PARVB: variants seen among roughly 807,000 people sequenced by gnomAD.
PARVB encodes the protein beta-parvin.
PARVB carries 46 observed loss-of-function variants against 47.0 expected under a neutral mutation model. That is an observed-to-expected ratio of 0.98 (90% confidence interval 0.77 to 1.25). The LOEUF (loss-of-function observed/expected upper bound fraction) is 1.25. Ranked by LOEUF, PARVB falls within the 50% of genes most tolerant of loss-of-function variation. The pLI, the probability that PARVB is intolerant of heterozygous loss-of-function variation, is 0.00. For synonymous variants in PARVB, 196 were observed against 196.3 expected (o/e 1.00, Z 0.01); for missense variants, 473 against 471.6 (o/e 1.00, Z -0.03).
At position 44,158,630 on chromosome 22, in the gene PARVB, T is replaced by C. The variant is rs143156846; in HGVS notation, c.945+547T>C. Among the ~76,000 whole-genome samples the C allele has an allele frequency of 6.2e-4, 95 of 152,280 alleles. 1 individual carries two copies. In the East Asian group the frequency reaches 0.018, roughly 28 times the overall value. On this transcript the variant is annotated intron_variant, in intron 11 of 12. Coordinates refer to ENST00000338758, the MANE Select transcript of PARVB (RefSeq NM_013327.5). ...TCTTAGGAAAATTTCTCAAATAGGG[T>C]CAAATTTGGGGCATTCCTTTCAATC...
At chr22:44,152,270 C>T (rs2053827561) in intron 10 of PARVB, 2 of 152,146 alleles carry the variant, frequency 1.3e-5, no homozygotes, top group African/African-American at 4.8e-5. Context: ...CTGCCTCAGC[C>T]TCCCGAGTAG....
At chr22:44,070,992 C>CCCTG (rs1278936390) in intron 1 of PARVB, among the ~76,000 whole-genome samples, 2 of 146,864 alleles carry the variant, frequency 1.4e-5, no homozygotes, top group Non-Finnish European at 3.0e-5. Flanking sequence ...ACCCCCCGGC[C>CCCTG]CCTGCCCGCC....
intron 1 of PARVB, among the ~76,000 whole-genome samples, chr22:44,035,368 CTT>C (rs57745730): frequency 1.1e-4 from 13 of 118,032 alleles, no homozygotes; most frequent in South Asian, 8.3e-4. Context: ...TTTCTTTTTC[CTT>C]TTTTTTTTTT....
At chr22:44,024,509 C>G (rs2146877215) in intron 1 of PARVB, 58 bp downstream of exon 1, 1 of 932,498 alleles carries the variant, frequency 1.1e-6, no homozygotes, top group Non-Finnish European at 1.3e-6. Context: ...TGCCCGCCCT[C>G]GGCCCTAGAG....
rs999974309 is a variant in PARVB, at chr22:44,101,643, C to T, written c.273+1520C>T. 1.2e-4 allele frequency among the ~76,000 whole-genome samples: 18 copies of T among 150,822 alleles called. No homozygotes were observed. The East Asian group carries it at 1.4e-3, about 12-fold the overall frequency. ...GTGGGTGCCTATAATCCTACCTACT[C>T]GGGAGGCTGAGGCAGAATTGCTTGA... On this transcript the variant is annotated intron_variant, in intron 3 of 12. Coordinates refer to ENST00000338758, the MANE Select transcript of PARVB (RefSeq NM_013327.5).
chr22:44,068,921 A>G lies in PARVB; in HGVS notation c.113-25007A>G, dbSNP rs1028547412. 14 of 565,796 alleles carry G rather than the reference A, an allele frequency of 2.5e-5. No individual in the cohort carries two copies. In the South Asian group the frequency reaches 3.1e-4, roughly 12 times the overall value. 35.0% of individuals were successfully genotyped at this position (565,796 alleles called of 1,614,324 possible). On this transcript the variant is annotated intron_variant, in intron 1 of 12. Coordinates refer to ENST00000338758, the MANE Select transcript of PARVB (RefSeq NM_013327.5). This position sits in a 1 kb window ranked among gnomAD's most constrained non-coding sequence, Gnocchi z 4.1. ...CTGGCCCATGAGGCTGATGGGAGTC[A>G]AGACAGAAATAGTGGTCTGTGGTCA...
intron 3 of PARVB, among the ~76,000 whole-genome samples, chr22:44,118,704 A>C (rs541287143): frequency 1.3e-5 from 2 of 151,214 alleles, no homozygotes; most frequent in South Asian, 4.2e-4. Flanking sequence ...CTAGCTCTGG[A>C]CCTGGTGGTG....
Position 44,088,005 on chromosome 22 carries a change from C to A in PARVB, c.113-5923C>A, listed in dbSNP as rs546704717. Among the ~76,000 whole-genome samples the A allele has an allele frequency of 3.3e-5, 5 of 152,140 alleles. No homozygotes were observed. The South Asian group carries it at 1.0e-3, about 32-fold the overall frequency. Reference sequence around the variant, plus strand: ...GCGACTGTGCCGAGGGTGTGTGTCCCTGAATCTTTGTGATCTCTCTGAGGT... The same window carrying A: ...GCGACTGTGCCGAGGGTGTGTGTCCATGAATCTTTGTGATCTCTCTGAGGT... On this transcript the variant is annotated intron_variant, in intron 1 of 12. Coordinates refer to ENST00000338758, the MANE Select transcript of PARVB (RefSeq NM_013327.5).
At chr22:44,120,058 G>T in intron 4 of PARVB, 1 of 356,794 alleles carries the variant, frequency 2.8e-6, no homozygotes, top group East Asian at 7.4e-5. Context: ...CCTTCGACAG[G>T]TGGGGACGTT....
intron 1 of PARVB, among the ~76,000 whole-genome samples, chr22:44,087,747 C>T (rs960908126): frequency 6.6e-6 from 1 of 150,604 alleles, no homozygotes; most frequent in Non-Finnish European, 1.5e-5. Flanking sequence ...TCGCATTTGG[C>T]CTGAGGTATA....
At chr22:44,078,547 G>T (rs2051827916) in intron 1 of PARVB, among the ~76,000 whole-genome samples, 1 of 151,982 alleles carries the variant, frequency 6.6e-6, no homozygotes, top group African/African-American at 2.4e-5. Flanking sequence ...ATCACATCGG[G>T]CCCCCTGAAT....
At position 44,068,649 on chromosome 22, in the gene PARVB, G is replaced by T. The variant is rs571730653; in HGVS notation, c.113-25279G>T. ...GTCGGCACACGGGAGATGCAGCTGG[G>T]GTGGCACGTGCCCACAGTGGTGCCA... On this transcript the variant is annotated intron_variant, in intron 1 of 12. Coordinates refer to ENST00000338758, the MANE Select transcript of PARVB (RefSeq NM_013327.5). The surrounding 1 kb of genome is among the most constrained non-coding windows in gnomAD (Gnocchi z 4.1). Among the ~76,000 whole-genome samples the T allele has an allele frequency of 5.9e-5, 9 of 152,314 alleles. No individual in the cohort carries two copies. The South Asian group carries it at 1.9e-3, about 32-fold the overall frequency.
chr22:44,167,248 G>A (rs1184301156), intron 12 of PARVB, among the ~76,000 whole-genome samples: 4 of 152,316 alleles, frequency 2.6e-5, no homozygotes, highest in East Asian at 1.9e-4. Flanking sequence ...AGCCGAGTGC[G>A]GAGCTCGATG....
intron 1 of PARVB, among the ~76,000 whole-genome samples, chr22:44,065,855 G>A (rs1452269558): frequency 7.4e-6 from 1 of 135,830 alleles, no homozygotes; most frequent in African/African-American, 2.9e-5. Flanking sequence ...GTGTGTGTGT[G>A]TGCATGTGTG....
At chr22:44,031,103 C>T (rs2146893036) in intron 1 of PARVB, among the ~76,000 whole-genome samples, 1 of 152,280 alleles carries the variant, frequency 6.6e-6, no homozygotes, top group East Asian at 1.9e-4. Context: ...TATCTCTAAA[C>T]CCAAACCTCC....
At chr22:44,116,975 G>A (rs2052920960) in intron 3 of PARVB, among the ~76,000 whole-genome samples, 1 of 152,178 alleles carries the variant, frequency 6.6e-6, no homozygotes, top group Non-Finnish European at 1.5e-5. Context: ...AACTGGTTAA[G>A]AAGTGGACAG....
chr22:44,137,720 C>T (rs560372668), intron 7 of PARVB, among the ~76,000 whole-genome samples: 12 of 152,198 alleles, frequency 7.9e-5, no homozygotes, highest in Admixed American at 7.2e-4. Flanking sequence ...TTGGCCTCCC[C>T]TGGGTCTCTT....
Position 44,134,539 on chromosome 22 carries a change from C to T in PARVB, c.633+1530C>T, listed in dbSNP as rs558182326. 2.6e-5 allele frequency among the ~76,000 whole-genome samples: 4 copies of T among 152,302 alleles called. No individual in the cohort carries two copies. In the East Asian group the frequency reaches 7.7e-4, roughly 29 times the overall value. ...CCAGGCAAGCACTTGCTGGTGCTTC[C>T]TGCCATAACGGGTTAGAGGAGTGTT... On this transcript the variant is annotated intron_variant, in intron 6 of 12. Coordinates refer to ENST00000338758, the MANE Select transcript of PARVB (RefSeq NM_013327.5).
intron 1 of PARVB, among the ~76,000 whole-genome samples, chr22:44,027,216 A>G (rs2050745787): frequency 6.6e-6 from 1 of 152,158 alleles, no homozygotes; most frequent in African/African-American, 2.4e-5. Flanking sequence ...GTTCAGCTTT[A>G]CTGGGGCTTG....
Sources: allele counts gnomAD v4.1 joint callset (sites outside exome capture counted in the v4.1 genomes callset), GRCh38; gene constraint gnomAD v4.1.1; non-coding constraint Gnocchi (gnomAD v3.1); transcripts MANE v1.5; gene names NCBI Gene and HGNC (gene_info 2026-07-23, HGNC 2026-07-21).